The following ZFAT variants were observed in gnomAD, a reference collection of about 807,000 sequenced individuals.
ZFAT encodes zinc finger protein ZFAT.
A neutral mutation model predicts 117.7 loss-of-function variants in ZFAT; 64 were observed. That is an observed-to-expected ratio of 0.54 (90% confidence interval 0.44 to 0.67). ZFAT has a LOEUF of 0.67. ZFAT is among the 30% of genes least tolerant of loss of function. ZFAT has a pLI of 0.00. For missense variants in ZFAT, 1,433 were observed against 1,584.5 expected (o/e 0.90, Z 1.62); for synonymous variants, 679 against 615.0 (o/e 1.10, Z -1.54).
chr8:134,517,790 A>G (rs144043846), intron 13 of ZFAT, among the ~76,000 whole-genome samples: 264 of 152,234 alleles, frequency 1.7e-3, no homozygotes, highest in Middle Eastern at 6.8e-3. Flanking sequence ...GAGGTATTTG[A>G]CCACACCCAT....
rs372896365 is a variant in ZFAT, at chr8:134,563,005, G to A, written c.2976+2328C>T. 1.2e-4 allele frequency among the ~76,000 whole-genome samples: 18 copies of A among 152,186 alleles called. No homozygotes were observed. The East Asian group carries it at 2.3e-3, about 20-fold the overall frequency. ...GCCAGGAAAATAATTAACCTCACTG[G>A]GTCTAATTTTCTCACCTCTAAAGTG... On this transcript the variant is annotated intron_variant, in intron 11 of 15. Coordinates refer to ENST00000377838, the MANE Select transcript of ZFAT (RefSeq NM_020863.4).
At chr8:134,753,771 A>G in the ZFAT span, among the ~76,000 whole-genome samples, 2 of 152,264 alleles carry the variant, frequency 1.3e-5, no homozygotes, top group African/African-American at 4.8e-5. Context: ...CACTGCAACT[A>G]TATAAATACA....
intron 2 of ZFAT, among the ~76,000 whole-genome samples, chr8:134,655,854 C>T (rs1369122389): frequency 6.6e-6 from 1 of 151,190 alleles, no homozygotes; most frequent in East Asian, 2.0e-4. Context: ...TACATTCAAC[C>T]CCAGAGGCAG....
At position 134,478,460 on chromosome 8, in the gene ZFAT, G is replaced by A; in HGVS notation, c.*22C>T. 6.5e-7 allele frequency: 1 copy of A among 1,548,630 alleles called. No homozygotes were observed. The highest frequency in any genetic ancestry group is 8.7e-7 in the Non-Finnish European group (1 of 1,144,936). Reference sequence around the variant, plus strand: ...CAGAGCCTGGCAGCCCCGCCCTGTGGCCATCCGATGCCACATGTCCTCTAG... The same window carrying A: ...CAGAGCCTGGCAGCCCCGCCCTGTGACCATCCGATGCCACATGTCCTCTAG... On this transcript the variant is annotated 3_prime_UTR_variant, in exon 16 of 16. Transcript: ENST00000377838. This position sits in a 1 kb window ranked among gnomAD's most constrained non-coding sequence, Gnocchi z 5.2.
intron 5 of ZFAT, among the ~76,000 whole-genome samples, chr8:134,603,201 C>T (rs1827644493): frequency 6.6e-6 from 1 of 151,724 alleles, no homozygotes; most frequent in African/African-American, 2.4e-5. Flanking sequence ...ATATGCACAC[C>T]ACAAAAAAGG....
chr8:134,700,858 C>T (rs991039629), intron 1 of ZFAT, among the ~76,000 whole-genome samples: 4 of 152,136 alleles, frequency 2.6e-5, no homozygotes, highest in East Asian at 3.9e-4. Flanking sequence ...ACTGCCCAAG[C>T]GACCCTTGTA....
At chr8:134,545,536 T>TGGTTGGC (rs1822629072) in intron 11 of ZFAT, among the ~76,000 whole-genome samples, 1 of 152,198 alleles carries the variant, frequency 6.6e-6, no homozygotes, top group Admixed American at 6.5e-5. Context: ...TAGAGATGCA[T>TGGTTGGC]ACGTGGTTGG....
intron 2 of ZFAT, among the ~76,000 whole-genome samples, chr8:134,641,571 C>A (rs1324984480): frequency 6.6e-6 from 1 of 152,196 alleles, no homozygotes; most frequent in Non-Finnish European, 1.5e-5. Context: ...TGCGCCCACA[C>A]CACTCCCTGA....
At chr8:134,670,803 T>A (rs1832523353) in intron 1 of ZFAT, among the ~76,000 whole-genome samples, 1 of 152,182 alleles carries the variant, frequency 6.6e-6, no homozygotes, top group East Asian at 1.9e-4. Flanking sequence ...AAAAACTCAA[T>A]GAATCCAGGA....
chr8:134,786,249 C>T, the ZFAT span, among the ~76,000 whole-genome samples: 1 of 152,128 alleles, frequency 6.6e-6, no homozygotes, highest in South Asian at 2.1e-4. Flanking sequence ...TTCTTCTAGT[C>T]TCACTGCACT....
chr8:134,491,576 T>C (rs1449710180), intron 15 of ZFAT, among the ~76,000 whole-genome samples: 1 of 152,192 alleles, frequency 6.6e-6, no homozygotes, highest in Non-Finnish European at 1.5e-5. Context: ...TAAGAGAGAA[T>C]CCACTTTCTT....
At chr8:134,661,247 G>T (rs1831912205) in intron 1 of ZFAT, among the ~76,000 whole-genome samples, 1 of 152,232 alleles carries the variant, frequency 6.6e-6, no homozygotes, top group African/African-American at 2.4e-5. Flanking sequence ...TGTCGTGGAG[G>T]CAGGAGGGAG....
intron 2 of ZFAT, among the ~76,000 whole-genome samples, chr8:134,641,875 C>G (rs1022693024): frequency 3.9e-5 from 6 of 152,200 alleles, no homozygotes; most frequent in African/African-American, 1.4e-4. Context: ...CCTTGCAGAT[C>G]CAAGGCCAAA....
intron 3 of ZFAT, among the ~76,000 whole-genome samples, chr8:134,635,648 G>GA (rs1830164397): frequency 6.7e-6 from 1 of 149,588 alleles, no homozygotes; most frequent in African/African-American, 2.5e-5. Context: ...AGGGAGAGAG[G>GA]GAGAGAGAGA....
chr8:134,506,514 G>A (rs1034448030), intron 15 of ZFAT, among the ~76,000 whole-genome samples: 14 of 152,298 alleles, frequency 9.2e-5, no homozygotes, highest in African/African-American at 3.4e-4. Context: ...TCTCTTTAAA[G>A]ACCAAGAAGC....
chr8:134,802,142 G>T, the ZFAT span, among the ~76,000 whole-genome samples: 1 of 152,280 alleles, frequency 6.6e-6, no homozygotes, highest in African/African-American at 2.4e-5. Flanking sequence ...TTTGTAATAT[G>T]GTACAGATAA....
chr8:134,756,804 G>A, the ZFAT span, among the ~76,000 whole-genome samples: 1 of 152,172 alleles, frequency 6.6e-6, no homozygotes, highest in Non-Finnish European at 1.5e-5. Flanking sequence ...GGTTTGGGAC[G>A]CCTGGAGTGA....
chr8:134,532,966 G>T lies in ZFAT; in HGVS notation c.2983C>A (p.Arg995Ser). ...MEQHVSFKPF[R>S]CAHCHYSCNI... ...CAGGAGTAATGGCAATGGGCACAGC[G>T]GAAAGGCTGCGGGGACAATGAGGAG... The change falls in exon 12 of 16, where the codon CGC (arginine) becomes AGC (serine). Residue 995 changes from arginine (R) to serine (S), a missense_variant. By Grantham distance (110) the Arg-to-Ser change is moderately radical. Around this residue, in one of 5 missense-constraint regions of ZFAT, gnomAD observed 503 missense variants for 543.4 expected, o/e 0.93. Coordinates refer to ENST00000377838, the MANE Select transcript of ZFAT (RefSeq NM_020863.4). The T allele has an allele frequency of 6.2e-7, 1 of 1,602,784 alleles. No homozygotes were observed. Among genetic ancestry groups the T allele is most frequent in the Non-Finnish European group, 8.5e-7 (1 of 1,174,740 alleles).
At chr8:134,568,521 T>A (rs1409511265) in intron 10 of ZFAT, among the ~76,000 whole-genome samples, 1 of 152,238 alleles carries the variant, frequency 6.6e-6, no homozygotes, top group Admixed American at 6.5e-5. Flanking sequence ...TCTAAGTTGA[T>A]AAATATTCTG....
Sources: gnomAD v4.1 joint callset for allele counts (sites outside exome capture counted in the v4.1 genomes callset) on GRCh38, gnomAD v4.1.1 for gene constraint, gnomAD v4.1.1 regional missense constraint, Gnocchi (gnomAD v3.1) non-coding constraint, MANE v1.5 for transcripts, NCBI Gene and HGNC (gene_info 2026-07-23, HGNC 2026-07-21) for gene names.